The following CERS6 variants were observed in gnomAD, a reference collection of about 807,000 sequenced individuals.
CERS6 encodes ceramide synthase 6.
In CERS6, 26 loss-of-function variants were observed where a neutral mutation model predicts 56.8. The observed-to-expected ratio is 0.46, with a 90% CI of 0.34 to 0.63. The LOEUF (loss-of-function observed/expected upper bound fraction) is 0.63, where lower values mean the gene tolerates loss of function less well. Among genes scored for constraint, CERS6 ranks in the 30% least tolerant of loss-of-function variants. CERS6 has a pLI of 0.01. For synonymous variants in CERS6, 164 were observed against 173.3 expected, an observed-to-expected ratio of 0.95 and a Z score of 0.42; for missense variants, 415 against 467.5, an observed-to-expected ratio of 0.89 and a Z score of 1.04.
At chr2:168,639,750 G>T (rs763360130) in intron 4 of CERS6, among the ~76,000 whole-genome samples, 19 of 152,160 alleles carry the variant, frequency 1.2e-4, no homozygotes, top group Non-Finnish European at 2.2e-4. Context: ...ACCAGCTCAT[G>T]CTCTGATTAT....
At chr2:168,530,364 A>G (rs990653716) in intron 1 of CERS6, among the ~76,000 whole-genome samples, 1 of 152,216 alleles carries the variant, frequency 6.6e-6, no homozygotes. Context: ...ACAGATTCCC[A>G]AAAGATTCTT....
chr2:168,601,677 G>A (rs1369611815), intron 3 of CERS6, among the ~76,000 whole-genome samples: 1 of 151,922 alleles, frequency 6.6e-6, no homozygotes, highest in Non-Finnish European at 1.5e-5. Flanking sequence ...AGCCTCTCGA[G>A]TACCTGGGAC....
chr2:168,561,179 C>A lies in CERS6; in HGVS notation c.277-13C>A, dbSNP rs1695779294. 6.2e-7 allele frequency: 1 copy of A among 1,612,932 alleles called. No individual in the cohort carries two copies. Among genetic ancestry groups the A allele is most frequent in the Non-Finnish European group, 8.5e-7 (1 of 1,179,358 alleles). ...TGGATTGAAAATTATTTTTCTGGTA[C>A]CTTGTTTCATAGCATCCTGATGAAA... On this transcript the variant is annotated splice_polypyrimidine_tract_variant and intron_variant, in intron 2 of 9. Transcript: ENST00000305747.
intron 3 of CERS6, among the ~76,000 whole-genome samples, chr2:168,600,584 A>C (rs1356721006): frequency 6.6e-6 from 1 of 152,074 alleles, no homozygotes. Flanking sequence ...TATCCCCTTA[A>C]CCTAGAAGTG....
At chr2:168,610,257 G>A (rs1054860328) in intron 3 of CERS6, among the ~76,000 whole-genome samples, 1 of 152,090 alleles carries the variant, frequency 6.6e-6, no homozygotes, top group Non-Finnish European at 1.5e-5. Flanking sequence ...GATTACAGGC[G>A]TGAGCCACCA....
intron 8 of CERS6, among the ~76,000 whole-genome samples, chr2:168,729,406 C>T (rs1683451071): frequency 6.6e-6 from 1 of 152,246 alleles, no homozygotes; most frequent in Non-Finnish European, 1.5e-5. Flanking sequence ...GGCTAGTGCT[C>T]TCCATCCTCA....
chr2:168,462,192 A>AT (rs1300763547), intron 1 of CERS6, among the ~76,000 whole-genome samples: 4 of 151,912 alleles, frequency 2.6e-5, no homozygotes, highest in Non-Finnish European at 1.5e-5. Context: ...AAATTTTATT[A>AT]TTTTTTTTCC....
chr2:168,561,106 C>A, intron 2 of CERS6, 86 bp from the exon 3 acceptor site: 1 of 1,430,342 alleles, frequency 7.0e-7, no homozygotes. Context: ...GGGAAAAAAA[C>A]CTCTCAGATA....
At chr2:168,478,225 C>T (rs1333291462) in intron 1 of CERS6, among the ~76,000 whole-genome samples, 5 of 152,104 alleles carry the variant, frequency 3.3e-5, no homozygotes, top group Non-Finnish European at 7.4e-5. Context: ...GTTCTGAGAG[C>T]TGAGCAGTGA....
At chr2:168,574,224 A>G (rs555217008) in intron 3 of CERS6, among the ~76,000 whole-genome samples, 6 of 152,198 alleles carry the variant, frequency 3.9e-5, no homozygotes, top group Non-Finnish European at 8.8e-5. Context: ...ATTTAAAAAT[A>G]AAATATTGTC....
intron 8 of CERS6, among the ~76,000 whole-genome samples, chr2:168,759,940 T>C (rs1684524014): frequency 1.3e-5 from 2 of 152,012 alleles, no homozygotes; most frequent in Non-Finnish European, 2.9e-5. Flanking sequence ...CACAGGGTAC[T>C]GTCTTCCATT....
chr2:168,531,186 C>T (rs1056584822), intron 1 of CERS6, among the ~76,000 whole-genome samples: 5 of 152,136 alleles, frequency 3.3e-5, no homozygotes, highest in African/African-American at 1.2e-4. Flanking sequence ...TAGACTGCAC[C>T]ATCTCTCTAG....
At chr2:168,615,200 A>G (rs1299128232) in intron 3 of CERS6, among the ~76,000 whole-genome samples, 1 of 152,184 alleles carries the variant, frequency 6.6e-6, no homozygotes, top group East Asian at 1.9e-4. Flanking sequence ...ACCTCATGGG[A>G]CAAAGAATCT....
intron 3 of CERS6, among the ~76,000 whole-genome samples, chr2:168,587,002 C>G (rs1683559829): frequency 6.6e-6 from 1 of 152,036 alleles, no homozygotes; most frequent in African/African-American, 2.4e-5. Context: ...GAAACCCTGT[C>G]TCTACTAAAA....
At chr2:168,552,485 A>G (rs1252189429) in intron 2 of CERS6, among the ~76,000 whole-genome samples, 1 of 152,168 alleles carries the variant, frequency 6.6e-6, no homozygotes, top group Admixed American at 6.5e-5. Flanking sequence ...AGATTTCAAA[A>G]CATATAAAGG....
chr2:168,726,458 A>G (rs945618288), intron 8 of CERS6, among the ~76,000 whole-genome samples: 4 of 152,248 alleles, frequency 2.6e-5, no homozygotes, highest in Admixed American at 2.6e-4. Flanking sequence ...ACATATTGCA[A>G]ACGTTATCAT....
In CERS6 at chr2:168,551,436, C is replaced by T. The variant is rs754086782; in HGVS notation, c.276+3735C>T. ...TTGGAACCTCAGCTCTGCTGCGTCCCGTCATTGTGGCCTTGGGTGAGTTTC... is the reference window on the plus strand; with the variant it reads ...TTGGAACCTCAGCTCTGCTGCGTCCTGTCATTGTGGCCTTGGGTGAGTTTC... On this transcript the variant is annotated intron_variant, in intron 2 of 9. Coordinates refer to ENST00000305747, the MANE Select transcript of CERS6 (RefSeq NM_203463.3). 7.9e-5 allele frequency among the ~76,000 whole-genome samples: 12 copies of T among 152,234 alleles called. No homozygotes were observed. The East Asian group carries it at 1.2e-3, about 15-fold the overall frequency.
intron 4 of CERS6, among the ~76,000 whole-genome samples, chr2:168,639,690 G>A (rs942072392): frequency 6.6e-6 from 1 of 152,092 alleles, no homozygotes; most frequent in Non-Finnish European, 1.5e-5. Context: ...GGGGTGGGGT[G>A]CTTAGGACAA....
chr2:168,538,440 TC>T (rs1695305626), intron 1 of CERS6, among the ~76,000 whole-genome samples: 1 of 152,176 alleles, frequency 6.6e-6, no homozygotes, highest in Non-Finnish European at 1.5e-5. Flanking sequence ...TTCCAGAATG[TC>T]CTTCCCCCAC....
Sources: gnomAD v4.1 joint callset for allele counts (sites outside exome capture counted in the v4.1 genomes callset) on GRCh38, gnomAD v4.1.1 for gene constraint, MANE v1.5 for transcripts, NCBI Gene and HGNC (gene_info 2026-07-23, HGNC 2026-07-21) for gene names.